The following SPTY2D1 variants were observed in gnomAD, a reference collection of about 807,000 sequenced individuals.
The protein encoded by SPTY2D1 is protein SPT2 homolog.
SPTY2D1 carries 21 observed loss-of-function variants against 64.0 expected under a neutral mutation model. The observed-to-expected ratio is 0.33, with a 90% CI of 0.23 to 0.47. The LOEUF (loss-of-function observed/expected upper bound fraction) is 0.47. SPTY2D1 is among the 20% of genes least tolerant of loss of function. The pLI, the probability that SPTY2D1 is intolerant of heterozygous loss-of-function variation, is 1.00. For synonymous variants in SPTY2D1, 287 were observed against 286.8 expected, an observed-to-expected ratio of 1.00 and a Z score of -0.01; for missense variants, 724 against 837.2, an observed-to-expected ratio of 0.86 and a Z score of 1.67.
chr11:18,627,258 CAAAAAAA>C lies in SPTY2D1; in HGVS notation c.60+6933_60+6939del, dbSNP rs1192277676. Among the ~76,000 whole-genome samples, 256 of 48,722 alleles carry C rather than the reference CAAAAAAA, an allele frequency of 5.3e-3. 4 individuals carry two copies. The highest frequency in any genetic ancestry group is 0.038 in the Middle Eastern group (2 of 52). The allele number at this position is 48,722 out of a possible 152,430, so 32.0% of individuals were successfully genotyped here. On this transcript the variant is annotated intron_variant, in intron 1 of 5. Coordinates refer to ENST00000336349, the MANE Select transcript of SPTY2D1 (RefSeq NM_194285.3). ...TGAAACCCCATCTCTACTAAAAATACAAAAAAAAAAAAAAAAAAAAATTAGCCAGGCG... is the reference window on the plus strand; with the variant it reads ...TGAAACCCCATCTCTACTAAAAATACAAAAAAAAAAAAAATTAGCCAGGCG...
At chr11:18,617,654 G>T (rs922423423) in intron 1 of SPTY2D1, among the ~76,000 whole-genome samples, 12 of 135,412 alleles carry the variant, frequency 8.9e-5, no homozygotes. Flanking sequence ...AAAAAAATCT[G>T]ATTTAGGCCA....
At chr11:18,634,113 G>T in intron 1 of SPTY2D1, 85 bp downstream of exon 1, 2 of 1,472,440 alleles carry the variant, frequency 1.4e-6, no homozygotes, top group Non-Finnish European at 1.9e-6. Context: ...GCCGATAGGC[G>T]GCTGCCCAGA....
chr11:18,633,691 C>A (rs1040769930), intron 1 of SPTY2D1, among the ~76,000 whole-genome samples: 9 of 152,152 alleles, frequency 5.9e-5, no homozygotes, highest in African/African-American at 1.9e-4. Context: ...TTAATCACCT[C>A]GGTGGCTGAG....
In SPTY2D1 at chr11:18,609,957, GC is replaced by G; in HGVS notation, c.1965-4del. 1 of 1,612,190 alleles carries G rather than the reference GC, an allele frequency of 6.2e-7. No homozygotes were observed. The highest frequency in any genetic ancestry group is 8.5e-7 in the Non-Finnish European group (1 of 1,179,446). On this transcript the variant is annotated splice_region_variant and splice_polypyrimidine_tract_variant and intron_variant, in intron 5 of 5. Transcript: ENST00000336349. ...CCTCTTGCATACCCAGTCTTAAGCT[GC>G]CAAAGAATTTTTAAAGGGTATTTGT...
chr11:18,618,890 C>T (rs1380173129), intron 1 of SPTY2D1, among the ~76,000 whole-genome samples: 1 of 152,208 alleles, frequency 6.6e-6, no homozygotes, highest in Non-Finnish European at 1.5e-5. Context: ...GATAGCAATG[C>T]TGAGAAGTGA....
In SPTY2D1 at chr11:18,609,088, TG is replaced by T. The variant is rs1369226853; in HGVS notation, c.*772del. 6.6e-6 allele frequency: 1 copy of T among 152,248 alleles called. No homozygotes were observed. Among genetic ancestry groups the T allele is most frequent in the East Asian group, 1.9e-4 (1 of 5,202 alleles). The allele number at this position is 152,248 out of a possible 1,614,324, so 9.4% of individuals were successfully genotyped here. On this transcript the variant is annotated 3_prime_UTR_variant, in exon 6 of 6. Coordinates refer to ENST00000336349, the MANE Select transcript of SPTY2D1 (RefSeq NM_194285.3). ...AAATATTTTTTCTTCGATATAAAAATGAATTTTTTTAGATAAAAATCAATCA... is the reference window on the plus strand; with the variant it reads ...AAATATTTTTTCTTCGATATAAAAATAATTTTTTTAGATAAAAATCAATCA...
At position 18,615,564 on chromosome 11, in the gene SPTY2D1, C is replaced by A; in HGVS notation, c.710G>T (p.Ser237Ile). 6.2e-7 allele frequency: 1 copy of A among 1,614,200 alleles called. No homozygotes were observed. The highest frequency in any genetic ancestry group is 1.1e-5 in the South Asian group (1 of 91,078). Residue 237 changes from serine (S) to isoleucine (I), a missense_variant, in exon 3 of 6, where the codon AGT becomes ATT. Coordinates refer to ENST00000336349, the MANE Select transcript of SPTY2D1 (RefSeq NM_194285.3). The stretch of plus-strand genomic sequence containing the variant: ...ACCTTTGCTAAGTTTTGTGCCCACA[C>A]TTTCTTTCTGAGAGGGTGCCTTTTT... Reference protein sequence around the residue: ...VSKKAPSQKESVGTKLSKGSG... With the variant: ...VSKKAPSQKEIVGTKLSKGSG...
In SPTY2D1 at chr11:18,606,463, TGTATATGCAAA is replaced by T. The variant is rs1328406403; in HGVS notation, c.*3387_*3397del. On this transcript the variant is annotated 3_prime_UTR_variant, in exon 6 of 6. Coordinates refer to ENST00000336349, the MANE Select transcript of SPTY2D1 (RefSeq NM_194285.3). ...ATACATAAATTGCAAAACTTTCACC[TGTATATGCAAA>T]AGTATATTCTCTTGCAGGTCAACAG... 1 of 163,838 alleles carries T rather than the reference TGTATATGCAAA, an allele frequency of 6.1e-6. No individual in the cohort carries two copies. Among genetic ancestry groups the T allele is most frequent in the Non-Finnish European group, 1.3e-5 (1 of 75,242 alleles). The allele number at this position is 163,838 out of a possible 1,614,324, so 10.1% of individuals were successfully genotyped here.
intron 1 of SPTY2D1, among the ~76,000 whole-genome samples, chr11:18,624,571 A>C (rs1180682755): frequency 6.6e-6 from 1 of 152,240 alleles, no homozygotes; most frequent in Non-Finnish European, 1.5e-5. Flanking sequence ...AGAGCTTTAG[A>C]AAATATTAAG....
rs1042371838 is a variant in SPTY2D1, at chr11:18,633,343, G to A, written c.60+855C>T. 2.0e-5 allele frequency among the ~76,000 whole-genome samples: 3 copies of A among 152,140 alleles called. No individual in the cohort carries two copies. In the South Asian group the frequency reaches 6.2e-4, roughly 31 times the overall value. On this transcript the variant is annotated intron_variant, in intron 1 of 5. Coordinates refer to ENST00000336349, the MANE Select transcript of SPTY2D1 (RefSeq NM_194285.3). ...TCTATACCTCACTGCTCAAACCGCA[G>A]GCATCACCATGCAACTTATCGGTTT... is the stretch of plus-strand genomic sequence containing the variant.
intron 2 of SPTY2D1, 24 bp downstream of exon 2, chr11:18,616,851 G>C (rs1281026380): frequency 6.2e-6 from 10 of 1,602,360 alleles, no homozygotes; most frequent in Non-Finnish European, 8.5e-6. Context: ...CTTTAAAATT[G>C]AGAATAAGGC....
chr11:18,634,106 G>A, intron 1 of SPTY2D1, 92 bp downstream of exon 1: 1 of 1,429,342 alleles, frequency 7.0e-7, no homozygotes, highest in Non-Finnish European at 9.8e-7. Context: ...TCCCGGAGCC[G>A]ATAGGCGGCT....
At chr11:18,614,261 A>AAAAAT (rs1854251052) in intron 3 of SPTY2D1, among the ~76,000 whole-genome samples, 1 of 152,162 alleles carries the variant, frequency 6.6e-6, no homozygotes, top group African/African-American at 2.4e-5. Flanking sequence ...CATCTCTATA[A>AAAAAT]AAAATAAAAA....
At chr11:18,627,718 A>T (rs1040218511) in intron 1 of SPTY2D1, among the ~76,000 whole-genome samples, 3 of 152,050 alleles carry the variant, frequency 2.0e-5, no homozygotes, top group African/African-American at 4.8e-5. Context: ...CTCTACTAAA[A>T]ATACAAAAAA....
intron 1 of SPTY2D1, among the ~76,000 whole-genome samples, chr11:18,627,083 A>AT (rs1565162552): frequency 6.6e-6 from 1 of 151,936 alleles, no homozygotes; most frequent in African/African-American, 2.4e-5. Context: ...TAACTTCCTT[A>AT]TTTTTTTGTA....
intron 5 of SPTY2D1, 66 bp from the exon 6 acceptor site, chr11:18,610,020 T>G: frequency 6.9e-7 from 1 of 1,443,154 alleles, no homozygotes. Flanking sequence ...TTAAAAAGAA[T>G]GAAAATTCCA....
chr11:18,631,026 ACGGGGTTT>A (rs1341980854), intron 1 of SPTY2D1, among the ~76,000 whole-genome samples: 7 of 152,052 alleles, frequency 4.6e-5, no homozygotes, highest in African/African-American at 1.7e-4. Flanking sequence ...TTTAGTAGAG[ACGGGGTTT>A]CACCACATTG....
rs1014867911 is a variant in SPTY2D1, at chr11:18,607,784, T to C, written c.*2077A>G. On this transcript the variant is annotated 3_prime_UTR_variant, in exon 6 of 6. Coordinates refer to ENST00000336349, the MANE Select transcript of SPTY2D1 (RefSeq NM_194285.3). ...CAAATCAACATTTATATTATAGAAATGCACTCAGAAGTAACAGACACACAA... is the reference window on the plus strand; with the variant it reads ...CAAATCAACATTTATATTATAGAAACGCACTCAGAAGTAACAGACACACAA... The C allele has an allele frequency of 1.3e-5, 2 of 152,154 alleles. No homozygotes were observed. The highest frequency in any genetic ancestry group is 4.8e-5 in the African/African-American group (2 of 41,430). 9.4% of individuals were successfully genotyped at this position (152,154 alleles called of 1,614,324 possible).
rs1854166560 is a variant in SPTY2D1 at position 18,609,785 on chromosome 11, G to A, written c.*76C>T. 1 of 1,312,980 alleles carries A rather than the reference G, an allele frequency of 7.6e-7. No individual in the cohort carries two copies. Among genetic ancestry groups the A allele is most frequent in the Non-Finnish European group, 1.1e-6 (1 of 923,088 alleles). 81.3% of individuals were successfully genotyped at this position (1,312,980 alleles called of 1,614,324 possible). On this transcript the variant is annotated 3_prime_UTR_variant, in exon 6 of 6. Transcript: ENST00000336349. ...CCAAGTATAAATCTAAAATGATAAGGGGGCTTCTTCAGTCTGAAGGCAGGA... is the reference window on the plus strand; with the variant it reads ...CCAAGTATAAATCTAAAATGATAAGAGGGCTTCTTCAGTCTGAAGGCAGGA...
Sources: gnomAD v4.1 joint callset for allele counts (sites outside exome capture counted in the v4.1 genomes callset) on GRCh38, gnomAD v4.1.1 for gene constraint, MANE v1.5 for transcripts, NCBI Gene and HGNC (gene_info 2026-07-23, HGNC 2026-07-21) for gene names.